The following ITGAX variants were observed in gnomAD, a reference collection of about 807,000 sequenced individuals.
The protein encoded by ITGAX is integrin subunit alpha X, also known as integrin alpha-X.
In ITGAX, 99 loss-of-function variants were observed where a neutral mutation model predicts 140.2. That is an observed-to-expected ratio of 0.71 (90% CI 0.60 to 0.83). The LOEUF (loss-of-function observed/expected upper bound fraction) is 0.83. Ranked by LOEUF, ITGAX falls within the 40% of genes least tolerant of loss-of-function variation. The probability of loss-of-function intolerance (pLI) is 0.00; values close to 1 mark genes in which losing one functional copy is unlikely to be tolerated. For missense variants in ITGAX, 1,444 were observed against 1,482.0 expected (o/e 0.97, Z 0.42); for synonymous variants, 631 against 600.4 (o/e 1.05, Z -0.75).
rs372032821 is a variant in ITGAX, at chr16:31,360,063, C to T, written c.705C>T (p.Val235=). ...ACACGGCCACCGCCATCCAAAATGT[C>T]GTGTGAGTCCTGATTTCTTCCAGGC... The part of the protein sequence containing the change: ...FTYTATAIQN[V]VHRLFHASYG... Residue 235 remains valine, a splice_region_variant and synonymous_variant, in exon 7 of 30, where the codon GTC becomes GTT. Coordinates refer to ENST00000268296, the MANE Select transcript of ITGAX (RefSeq NM_000887.5). The T allele has an allele frequency of 1.7e-5, 28 of 1,609,336 alleles. 1 individual carries two copies. The highest frequency in any genetic ancestry group is 6.7e-5 in the East Asian group (3 of 44,888).
At chr16:31,361,369 G>C in intron 9 of ITGAX, 156 bp downstream of exon 9, 1 of 872,652 alleles carries the variant, frequency 1.1e-6, no homozygotes, top group Admixed American at 2.3e-5. Context: ...CCCCACTGAC[G>C]TCCCCCAGCA....
rs781531639 is a variant in ITGAX, at chr16:31,381,022, C to G, written c.3387+15C>G. On this transcript the variant is annotated intron_variant, in intron 29 of 29. Coordinates refer to ENST00000268296, the MANE Select transcript of ITGAX (RefSeq NM_000887.5). Reference sequence around the variant, plus strand: ...TACTGTACAAAGTGAGTGTTTTATGCCACTCTTGACACCACCAGCATCTGG... The same window carrying G: ...TACTGTACAAAGTGAGTGTTTTATGGCACTCTTGACACCACCAGCATCTGG... 1 of 1,580,330 alleles carries G rather than the reference C, an allele frequency of 6.3e-7. No homozygotes were observed. The highest frequency in any genetic ancestry group is 2.2e-5 in the East Asian group (1 of 44,706).
rs2080982329 is a variant in ITGAX at position 31,372,744 on chromosome 16, T to C, written c.2366+74T>C. The C allele has an allele frequency of 1.3e-5, 18 of 1,386,424 alleles. 1 individual carries two copies. The South Asian group carries it at 1.9e-4, about 15-fold the overall frequency. The allele number at this position is 1,386,424 out of a possible 1,614,324, so 85.9% of individuals were successfully genotyped here. A position where few individuals can be genotyped will look rare whatever the true frequency, so the allele number is the denominator to read the frequency against. On this transcript the variant is annotated intron_variant, in intron 19 of 29. Coordinates refer to ENST00000268296, the MANE Select transcript of ITGAX (RefSeq NM_000887.5). ...GGAATCTGGGACTCCTGCCTCTGGC[T>C]CTCCCTAACATTGTCTCATCCTATA...
chr16:31,355,839 A>G (rs1044038902), intron 1 of ITGAX, 54 bp from the exon 2 acceptor site: 1 of 1,397,164 alleles, frequency 7.2e-7, no homozygotes, highest in South Asian at 1.2e-5. Context: ...GGTGGAGGGC[A>G]GCCAGGCAGA....
In ITGAX at chr16:31,372,519, G is replaced by T. The variant is rs1289272348; in HGVS notation, c.2292+10G>T. On this transcript the variant is annotated intron_variant, in intron 18 of 29. Coordinates refer to ENST00000268296, the MANE Select transcript of ITGAX (RefSeq NM_000887.5). Reference sequence around the variant, plus strand: ...ATACTTCACGGCCTCCGTGAGTCCTGGCACTGGGTCTCCCAGAGAGGGTGC... The same window carrying T: ...ATACTTCACGGCCTCCGTGAGTCCTTGCACTGGGTCTCCCAGAGAGGGTGC... 2 of 1,611,112 alleles carry T rather than the reference G, an allele frequency of 1.2e-6. No individual in the cohort carries two copies. The highest frequency in any genetic ancestry group is 8.5e-7 in the Non-Finnish European group (1 of 1,179,100).
intron 7 of ITGAX, 98 bp from the exon 8 acceptor site, chr16:31,360,212 G>A: frequency 6.6e-7 from 1 of 1,510,924 alleles, no homozygotes; most frequent in Non-Finnish European, 8.9e-7. Context: ...TGGGACTGGG[G>A]CCTCCCAAAG....
chr16:31,368,274 A>T (rs1372814802), intron 14 of ITGAX, among the ~76,000 whole-genome samples: 1 of 151,766 alleles, frequency 6.6e-6, no homozygotes, highest in Non-Finnish European at 1.5e-5. Context: ...TGGGCAGACC[A>T]CCTGAGGTCA....
Position 31,373,349 on chromosome 16 carries a change from C to T in ITGAX, c.2467C>T (p.His823Tyr). The T allele has an allele frequency of 1.2e-6, 2 of 1,613,558 alleles. No homozygotes were observed. The highest frequency in any genetic ancestry group is 1.7e-6 in the Non-Finnish European group (2 of 1,179,986). Residue 823 changes from histidine to tyrosine, a missense_variant, in exon 20 of 30, where the codon CAC becomes TAC. By Grantham distance (83) the His-to-Tyr change is moderately conservative. Transcript: ENST00000268296. Reference sequence around the variant, plus strand: ...CTACGGAACCACCATCACCTTCTCCCACCCCGCAGGACTGTCCTACCGCTA... The same window carrying T: ...CTACGGAACCACCATCACCTTCTCCTACCCCGCAGGACTGTCCTACCGCTA... ...DSYGTTITFS[H>Y]PAGLSYRYVA...
At chr16:31,373,015 C>T (rs888024926) in intron 19 of ITGAX, among the ~76,000 whole-genome samples, 2 of 152,046 alleles carry the variant, frequency 1.3e-5, no homozygotes, top group African/African-American at 4.8e-5. Context: ...ATTGCTTGAG[C>T]TCTGGAGTTG....
intron 17 of ITGAX, 41 bp from the exon 18 acceptor site, chr16:31,372,337 C>T: frequency 6.3e-7 from 1 of 1,575,810 alleles, no homozygotes; most frequent in South Asian, 1.2e-5. Flanking sequence ...CAGCTCTTAC[C>T]CTCCCCTTAC....
chr16:31,377,039 G>C lies in ITGAX; in HGVS notation c.2665G>C (p.Val889Leu), dbSNP rs1221288123. Reference protein sequence around the residue: ...LATFDVSPKAVLGDRLLLTAN... With the variant: ...LATFDVSPKALLGDRLLLTAN... ...TACCTTTGACGTCTCCCCCAAGGCT[G>C]TCCTGGGAGACCGGCTGCTTCTGAC... Residue 889 changes from valine to leucine, a missense_variant, in exon 22 of 30, where the codon GTC becomes CTC. Val to Leu is a conservative substitution (Grantham distance 32, BLOSUM62 1). Coordinates refer to ENST00000268296, the MANE Select transcript of ITGAX (RefSeq NM_000887.5). The C allele has an allele frequency of 6.2e-7, 1 of 1,614,204 alleles. No individual in the cohort carries two copies. Among genetic ancestry groups the C allele is most frequent in the East Asian group, 2.2e-5 (1 of 44,878 alleles).
intron 26 of ITGAX, 86 bp from the exon 27 acceptor site, chr16:31,380,180 C>A (rs140760759): frequency 1.4e-4 from 210 of 1,518,798 alleles, no homozygotes; most frequent in Non-Finnish European, 1.7e-4. Flanking sequence ...TCGGATATGG[C>A]CGCTGCCCTC....
Position 31,382,228 on chromosome 16 carries a change from CTTTTTTTTTTTTTTTCTTTTCTT to C in ITGAX, c.*334_*356del. 2.2e-6 allele frequency: 2 copies of C among 902,772 alleles called. No homozygotes were observed. Among genetic ancestry groups the C allele is most frequent in the South Asian group, 2.2e-5 (1 of 45,500 alleles). 55.9% of individuals were successfully genotyped at this position (902,772 alleles called of 1,614,324 possible). A position where few individuals can be genotyped will look rare whatever the true frequency, so the allele number is the denominator to read the frequency against. Reference sequence around the variant, plus strand: ...GGCACGAATGATCTTTCTTTCCTTTCTTTTTTTTTTTTTTTCTTTTCTTTTTTTTTTTTTTGAGACGGAGTCTC... The same window carrying C: ...GGCACGAATGATCTTTCTTTCCTTTCTTTTTTTTTTTTGAGACGGAGTCTC... On this transcript the variant is annotated 3_prime_UTR_variant, in exon 30 of 30. Coordinates refer to ENST00000268296, the MANE Select transcript of ITGAX (RefSeq NM_000887.5).
chr16:31,356,222 G>A (rs1307113016), intron 2 of ITGAX: 4 of 507,222 alleles, frequency 7.9e-6, no homozygotes, highest in Non-Finnish European at 1.0e-5. Context: ...TGCTGATTTA[G>A]TCCACACGAC....
At chr16:31,368,578 TTTTTTTA>T (rs550845574) in intron 14 of ITGAX, among the ~76,000 whole-genome samples, 472 of 151,520 alleles carry the variant, frequency 3.1e-3, no homozygotes, top group Non-Finnish European at 4.5e-3. Context: ...TCCAACTTTC[TTTTTTTA>T]TTTTTTATTT....
chr16:31,356,827 G>C (rs1209466424), intron 3 of ITGAX, 99 bp downstream of exon 3: 5 of 948,982 alleles, frequency 5.3e-6, no homozygotes, highest in Non-Finnish European at 8.0e-6. Flanking sequence ...AGCTTCCACT[G>C]TGTCTGAGAC....
Position 31,371,486 on chromosome 16 carries a change from T to C in ITGAX, c.1994T>C (p.Leu665Pro), listed in dbSNP as rs1249645336. The change falls in exon 16 of 30, where the codon CTG (leucine) becomes CCG (proline). Residue 665 changes from leucine (L) to proline (P), a missense_variant. By Grantham distance (98) the Leu-to-Pro change is moderately conservative. Transcript: ENST00000268296. ...TACATTGACAAACGTTCTAAGAACC[T>C]GCTTGGGAGCCGTGAGTCCCCTCCC... ...CLYIDKRSKN[L>P]LGSRDLQSSV... The C allele has an allele frequency of 6.2e-7, 1 of 1,613,900 alleles. No individual in the cohort carries two copies. The highest frequency in any genetic ancestry group is 8.5e-7 in the Non-Finnish European group (1 of 1,179,896).
intron 14 of ITGAX, among the ~76,000 whole-genome samples, chr16:31,369,059 T>C (rs1194386320): frequency 2.0e-5 from 3 of 152,060 alleles, no homozygotes; most frequent in African/African-American, 7.2e-5. Context: ...TCCCCACCTT[T>C]CCCCCCTTTC....
chr16:31,357,270 G>A lies in ITGAX; in HGVS notation c.336G>A (p.Val112=). 6.2e-7 allele frequency: 1 copy of A among 1,606,508 alleles called. No homozygotes were observed. The highest frequency in any genetic ancestry group is 8.5e-7 in the Non-Finnish European group (1 of 1,177,164). ...GTCCCCAGGCCTGCGGCCCCACCGTGCACCACGAGTGCGGGAGGAACATGT... is the reference window on the plus strand; with the variant it reads ...GTCCCCAGGCCTGCGGCCCCACCGTACACCACGAGTGCGGGAGGAACATGT... ...PSQLLACGPT[V]HHECGRNMYL... Residue 112 remains valine (V), a synonymous_variant, in exon 5 of 30, where the codon GTG becomes GTA. Transcript: ENST00000268296.
Sources: allele counts gnomAD v4.1 joint callset (sites outside exome capture counted in the v4.1 genomes callset), GRCh38; gene constraint gnomAD v4.1.1; transcripts MANE v1.5; gene names NCBI Gene and HGNC (gene_info 2026-07-23, HGNC 2026-07-21).